The following PTH2R variants were observed in gnomAD, a reference collection of about 807,000 sequenced individuals.
The protein encoded by PTH2R is parathyroid hormone 2 receptor, also known as PTH2 receptor.
In PTH2R, 59 loss-of-function variants were observed where a neutral mutation model predicts 60.3. The observed-to-expected ratio is 0.98, with a 90% CI of 0.79 to 1.22. The LOEUF (loss-of-function observed/expected upper bound fraction) is 1.22, where lower values mean the gene tolerates loss of function less well. PTH2R is among the 50% of genes most tolerant of loss of function. The pLI, the probability that PTH2R is intolerant of heterozygous loss-of-function variation, is 0.00. For missense variants in PTH2R, 749 were observed against 682.6 expected (o/e 1.10, Z -1.08); for synonymous variants, 256 against 243.8 (o/e 1.05, Z -0.47).
intron 9 of PTH2R, among the ~76,000 whole-genome samples, chr2:208,477,993 A>G (rs1224855481): frequency 1.3e-5 from 1 of 75,916 alleles, no homozygotes; most frequent in Non-Finnish European, 3.4e-5. Context: ...TACTACTAGT[A>G]CTAGTACTAC....
intron 11 of PTH2R, among the ~76,000 whole-genome samples, 186 bp from the exon 12 acceptor site, chr2:208,490,453 G>A (rs1462291383): frequency 6.6e-6 from 1 of 152,074 alleles, no homozygotes; most frequent in Non-Finnish European, 1.5e-5. Flanking sequence ...CTGACACCAA[G>A]GAAAGACGTC....
intron 8 of PTH2R, among the ~76,000 whole-genome samples, chr2:208,456,400 C>T (rs1029683183): frequency 3.9e-5 from 6 of 152,120 alleles, no homozygotes; most frequent in East Asian, 1.9e-4. Flanking sequence ...TTGCCTCATT[C>T]GAAGGAGATA....
intron 12 of PTH2R, among the ~76,000 whole-genome samples, chr2:208,492,368 G>A (rs1703422862): frequency 2.0e-5 from 3 of 152,194 alleles, no homozygotes; most frequent in Admixed American, 2.0e-4. Flanking sequence ...CTGACAGCAG[G>A]GGAAAGAGCT....
At chr2:208,440,948 C>T (rs1238624647) in intron 4 of PTH2R, among the ~76,000 whole-genome samples, 2 of 152,138 alleles carry the variant, frequency 1.3e-5, no homozygotes, top group Admixed American at 6.5e-5. Flanking sequence ...GACAGAGGAG[C>T]TGAGAGGCAT....
intron 8 of PTH2R, among the ~76,000 whole-genome samples, chr2:208,453,342 T>C (rs964344677): frequency 1.3e-5 from 2 of 152,260 alleles, no homozygotes; most frequent in Non-Finnish European, 2.9e-5. Context: ...CTGCATTTCA[T>C]GGTGAAAACC....
intron 1 of PTH2R, among the ~76,000 whole-genome samples, chr2:208,421,041 G>A (rs924084138): frequency 1.3e-5 from 2 of 152,072 alleles, no homozygotes; most frequent in Admixed American, 1.3e-4. Context: ...AGTATAATTG[G>A]AGCTCTATAA....
At chr2:208,440,643 G>C (rs1702163751) in intron 4 of PTH2R, among the ~76,000 whole-genome samples, 1 of 152,078 alleles carries the variant, frequency 6.6e-6, no homozygotes, top group African/African-American at 2.4e-5. Flanking sequence ...TGTATCCCTA[G>C]GACCACAGTA....
intron 1 of PTH2R, among the ~76,000 whole-genome samples, chr2:208,408,792 G>A (rs2105833258): frequency 6.7e-6 from 1 of 149,032 alleles, no homozygotes; most frequent in East Asian, 1.9e-4. Context: ...ATCACCATGG[G>A]ATTGTGGGCA....
chr2:208,413,141 C>CCA (rs5838121), intron 1 of PTH2R, among the ~76,000 whole-genome samples: 7,242 of 149,816 alleles, frequency 0.048, 223 homozygotes, highest in African/African-American at 0.087. Flanking sequence ...TAAAAAGTGA[C>CCA]CACACACACA....
chr2:208,419,213 C>T (rs1701702615), intron 1 of PTH2R, among the ~76,000 whole-genome samples: 1 of 152,202 alleles, frequency 6.6e-6, no homozygotes, highest in African/African-American at 2.4e-5. Context: ...GATTGCCATT[C>T]TAACTGGTGT....
chr2:208,442,839 T>C (rs1449937778), intron 5 of PTH2R, among the ~76,000 whole-genome samples: 1 of 152,214 alleles, frequency 6.6e-6, no homozygotes, highest in Non-Finnish European at 1.5e-5. Context: ...TTATTGCTTT[T>C]GTTATGGTTT....
intron 7 of PTH2R, among the ~76,000 whole-genome samples, chr2:208,447,068 G>A (rs1025148098): frequency 2.0e-5 from 3 of 152,072 alleles, no homozygotes; most frequent in South Asian, 4.1e-4. Flanking sequence ...TAGTCACATT[G>A]TAGTAATGTG....
chr2:208,367,130 G>A (rs1700608080), intron 1 of PTH2R, among the ~76,000 whole-genome samples: 1 of 149,160 alleles, frequency 6.7e-6, no homozygotes, highest in Admixed American at 6.7e-5. Context: ...TTTCACCCTT[G>A]TTGCCCAAGT....
chr2:208,475,041 A>T (rs1466628717), intron 9 of PTH2R, among the ~76,000 whole-genome samples: 2 of 152,218 alleles, frequency 1.3e-5, no homozygotes, highest in Non-Finnish European at 2.9e-5. Flanking sequence ...AGCAAGCGTG[A>T]TGGCAATCCA....
intron 1 of PTH2R, among the ~76,000 whole-genome samples, chr2:208,395,206 C>G (rs897486303): frequency 5.9e-5 from 9 of 151,970 alleles, no homozygotes; most frequent in Non-Finnish European, 1.0e-4. Flanking sequence ...CGCCACCATG[C>G]CTGGCTAATT....
intron 1 of PTH2R, among the ~76,000 whole-genome samples, chr2:208,374,267 C>T (rs2125872041): frequency 6.6e-6 from 1 of 152,080 alleles, no homozygotes; most frequent in Middle Eastern, 3.4e-3. Flanking sequence ...GACTCTTTCT[C>T]CAAAAAGTAC....
chr2:208,417,559 T>C (rs1198895608), intron 1 of PTH2R, among the ~76,000 whole-genome samples: 2 of 125,734 alleles, frequency 1.6e-5, no homozygotes, highest in Non-Finnish European at 1.7e-5. Context: ...TTTTTTTTTT[T>C]TTTTTTTTTT....
chr2:208,446,741 A>G (rs995958081), intron 7 of PTH2R, among the ~76,000 whole-genome samples: 9 of 152,236 alleles, frequency 5.9e-5, no homozygotes, highest in African/African-American at 2.2e-4. Flanking sequence ...TGAATGAAGT[A>G]CATATCAAAA....
intron 1 of PTH2R, among the ~76,000 whole-genome samples, chr2:208,401,552 A>G (rs1462828283): frequency 6.7e-6 from 1 of 149,254 alleles, no homozygotes; most frequent in Non-Finnish European, 1.5e-5. Context: ...CTTCCTGTGT[A>G]TTTTTTTTAA....
Sources: gnomAD v4.1 joint callset for allele counts (sites outside exome capture counted in the v4.1 genomes callset) on GRCh38, gnomAD v4.1.1 for gene constraint, MANE v1.5 for transcripts, NCBI Gene and HGNC (gene_info 2026-07-23, HGNC 2026-07-21) for gene names.